PIK3CB: variants seen among roughly 807,000 people sequenced by gnomAD.
PIK3CB encodes the protein phosphatidylinositol-4,5-bisphosphate 3-kinase catalytic subunit beta, also known as phosphatidylinositol 4,5-bisphosphate 3-kinase catalytic subunit beta isoform.
PIK3CB carries 39 observed loss-of-function variants against 136.8 expected under a neutral mutation model. The observed-to-expected ratio is 0.29, with a 90% CI of 0.22 to 0.37. The LOEUF is 0.37. Ranked by LOEUF, PIK3CB falls within the 10% of genes least tolerant of loss-of-function variation. The pLI, the probability that PIK3CB is intolerant of heterozygous loss-of-function variation, is 1.00. For synonymous variants in PIK3CB, 428 were observed against 436.6 expected (o/e 0.98, Z 0.25); for missense variants, 868 against 1,275.4 (o/e 0.68, Z 4.87).
At chr3:138,827,982 CG>C (rs1229412945) in intron 1 of PIK3CB, among the ~76,000 whole-genome samples, 3 of 150,760 alleles carry the variant, frequency 2.0e-5, no homozygotes, top group Non-Finnish European at 4.4e-5. Flanking sequence ...AGCGAGACTC[CG>C]TCTCAAAAAA....
intron 2 of PIK3CB, among the ~76,000 whole-genome samples, chr3:138,788,964 CAAAAAAAAAAAAAAA>C (rs57432821): frequency 3.4e-4 from 30 of 89,482 alleles, no homozygotes; most frequent in African/African-American, 9.7e-4. Flanking sequence ...GACTTCGTCT[CAAAAAAAAAAAAAAA>C]AAAAAAAAAA....
At chr3:138,776,310 C>A (rs1002924637) in intron 2 of PIK3CB, among the ~76,000 whole-genome samples, 2 of 152,234 alleles carry the variant, frequency 1.3e-5, no homozygotes, top group East Asian at 3.9e-4. Context: ...TAAAACCAAC[C>A]CATACCTTTT....
At chr3:138,790,978 C>CA (rs2046042154) in intron 2 of PIK3CB, among the ~76,000 whole-genome samples, 1 of 151,638 alleles carries the variant, frequency 6.6e-6, no homozygotes. Context: ...CAAAACAAAA[C>CA]AAAAAACCTG....
chr3:138,662,919 TA>T (rs1157844189), intron 21 of PIK3CB, among the ~76,000 whole-genome samples: 1 of 152,146 alleles, frequency 6.6e-6, no homozygotes, highest in East Asian at 1.9e-4. Flanking sequence ...TCTTTTGGAT[TA>T]AAGACTTAAA....
rs528423186 is a variant in PIK3CB, at chr3:138,781,591, T to C, written c.-17+14872A>G. 2.0e-5 allele frequency among the ~76,000 whole-genome samples: 3 copies of C among 152,220 alleles called. No homozygotes were observed. In the South Asian group the frequency reaches 6.2e-4, roughly 32 times the overall value. On this transcript the variant is annotated intron_variant, in intron 2 of 23. Coordinates refer to ENST00000674063, the MANE Select transcript of PIK3CB (RefSeq NM_006219.3). ...CCTCAGACTCCCGAGCAGCTGGGATTACAGGTGCCCACCACCACGCCTGGC... is the reference window on the plus strand; with the variant it reads ...CCTCAGACTCCCGAGCAGCTGGGATCACAGGTGCCCACCACCACGCCTGGC...
rs1176256198 is a variant in PIK3CB, at chr3:138,703,488, C to G, written c.1581+955G>C. On this transcript the variant is annotated intron_variant, in intron 12 of 23. Coordinates refer to ENST00000674063, the MANE Select transcript of PIK3CB (RefSeq NM_006219.3). ...ATGACGAGAATACTGGATTACAGCTCAACAAAGTCAAACTAGAAAGAGCCA... is the reference window on the plus strand; with the variant it reads ...ATGACGAGAATACTGGATTACAGCTGAACAAAGTCAAACTAGAAAGAGCCA... 2.0e-5 allele frequency among the ~76,000 whole-genome samples: 3 copies of G among 150,894 alleles called. No homozygotes were observed. In the East Asian group the frequency reaches 5.8e-4, roughly 29 times the overall value.
chr3:138,656,422 T>C (rs2043192867), intron 22 of PIK3CB, 148 bp from the exon 23 acceptor site: 1 of 769,822 alleles, frequency 1.3e-6, no homozygotes. Flanking sequence ...TTTTTACTTC[T>C]GCGAAAATTG....
At chr3:138,764,266 T>C (rs1325317384) in intron 2 of PIK3CB, among the ~76,000 whole-genome samples, 2 of 142,976 alleles carry the variant, frequency 1.4e-5, no homozygotes, top group African/African-American at 2.6e-5. Context: ...CTGGGCTACA[T>C]AGTGAGACCT....
chr3:138,663,174 A>G (rs1332371346), intron 21 of PIK3CB, among the ~76,000 whole-genome samples: 1 of 152,184 alleles, frequency 6.6e-6, no homozygotes, highest in Non-Finnish European at 1.5e-5. Flanking sequence ...ACAAATGGCT[A>G]ATGTCCAGAA....
chr3:138,676,443 A>G (rs1184656833), intron 19 of PIK3CB, among the ~76,000 whole-genome samples: 1 of 152,252 alleles, frequency 6.6e-6, no homozygotes, highest in East Asian at 1.9e-4. Context: ...AGTTAACATC[A>G]GTTCCAGTAA....
intron 2 of PIK3CB, among the ~76,000 whole-genome samples, chr3:138,761,065 T>G (rs2045656295): frequency 2.0e-5 from 3 of 152,046 alleles, no homozygotes; most frequent in African/African-American, 7.2e-5. Flanking sequence ...AATAATAAGG[T>G]GAAAGGAGAA....
rs1187476927 is a variant in PIK3CB at position 138,797,063 on chromosome 3, C to T, written c.-121-496G>A. 6.5e-5 allele frequency: 10 copies of T among 154,168 alleles called. No homozygotes were observed. In the Admixed American group the frequency reaches 6.5e-4, roughly 10 times the overall value. 9.6% of individuals were successfully genotyped at this position (154,168 alleles called of 1,614,324 possible). ...TGAGAAGACGGAAGACCACACCACA[C>T]TTGCATTAGTTGTGTATGTCAAAGC... is the stretch of plus-strand genomic sequence containing the variant. On this transcript the variant is annotated intron_variant, in intron 1 of 23. Coordinates refer to ENST00000674063, the MANE Select transcript of PIK3CB (RefSeq NM_006219.3).
chr3:138,693,384 C>A (rs763051364), intron 14 of PIK3CB, among the ~76,000 whole-genome samples: 6 of 151,452 alleles, frequency 4.0e-5, no homozygotes, highest in Non-Finnish European at 8.8e-5. Flanking sequence ...TGTGAGCCAC[C>A]ACAGCTGGCT....
chr3:138,829,744 GCCACTGTACT>G (rs1477938488), intron 1 of PIK3CB, among the ~76,000 whole-genome samples: 1 of 150,918 alleles, frequency 6.6e-6, no homozygotes, highest in African/African-American at 2.4e-5. Flanking sequence ...CCGAGATTGC[GCCACTGTACT>G]CCAGCCTGGG....
intron 6 of PIK3CB, among the ~76,000 whole-genome samples, chr3:138,737,032 T>TAA (rs1353366802): frequency 6.6e-6 from 1 of 152,092 alleles, no homozygotes; most frequent in Non-Finnish European, 1.5e-5. Context: ...AAAGCAGCTA[T>TAA]AAGTGTTAAA....
intron 22 of PIK3CB, chr3:138,657,299 T>C (rs1033678804): frequency 6.1e-6 from 1 of 163,686 alleles, no homozygotes; most frequent in African/African-American, 2.4e-5. Flanking sequence ...TGGGAACATG[T>C]AGGTAGCCAG....
chr3:138,826,713 C>T (rs1933801799), intron 1 of PIK3CB, among the ~76,000 whole-genome samples: 1 of 151,854 alleles, frequency 6.6e-6, no homozygotes, highest in Non-Finnish European at 1.5e-5. Flanking sequence ...AACACATACA[C>T]TCTCTCACAC....
In PIK3CB at chr3:138,682,010, G is replaced by C. The variant is rs1455285725; in HGVS notation, c.2461C>G (p.Arg821Gly). ...RQDMLTLQMLRLMDLLWKEAG... is the reference protein window; with the variant it reads ...RQDMLTLQMLGLMDLLWKEAG... ...TCTTTCCAGAGTAAATCCATCAAGC[G>C]CAACATTTGGAGTGTCAACATATCC... is the stretch of plus-strand genomic sequence containing the variant. The change falls in exon 19 of 24, where the codon CGC (arginine) becomes GGC (glycine). Residue 821 changes from arginine (R) to glycine (G), a missense_variant. This residue lies in a region of PIK3CB where 165 missense variants were observed against 295.4 expected (regional missense o/e 0.56). Coordinates refer to ENST00000674063, the MANE Select transcript of PIK3CB (RefSeq NM_006219.3). 1.2e-6 allele frequency: 2 copies of C among 1,610,490 alleles called. No homozygotes were observed. The highest frequency in any genetic ancestry group is 8.5e-7 in the Non-Finnish European group (1 of 1,178,736).
chr3:138,716,986 T>A (rs1576352320), intron 8 of PIK3CB, among the ~76,000 whole-genome samples: 1 of 143,722 alleles, frequency 7.0e-6, no homozygotes, highest in South Asian at 2.2e-4. Flanking sequence ...CTGGGCACGG[T>A]GGCTCATGCC....
Sources: gnomAD v4.1 joint callset for allele counts (sites outside exome capture counted in the v4.1 genomes callset) on GRCh38, gnomAD v4.1.1 for gene constraint, gnomAD v4.1.1 regional missense constraint, MANE v1.5 for transcripts, NCBI Gene and HGNC (gene_info 2026-07-23, HGNC 2026-07-21) for gene names.